The following PALM2AKAP2 variants were observed in gnomAD, a reference collection of about 807,000 sequenced individuals.
PALM2AKAP2 encodes PALM2 and AKAP2 fusion, also known as PALM2-AKAP2 fusion protein.
Under a neutral mutation model 71.5 loss-of-function variants are expected in PALM2AKAP2, and 37 were observed. The observed-to-expected ratio is 0.52, with a 90% confidence interval of 0.40 to 0.68. The LOEUF is 0.68. Ranked by LOEUF, PALM2AKAP2 falls within the 30% of genes least tolerant of loss-of-function variation. PALM2AKAP2 has a pLI of 0.00. For synonymous variants in PALM2AKAP2, 468 were observed against 478.8 expected (o/e 0.98, Z 0.29); for missense variants, 1,224 against 1,191.8 (o/e 1.03, Z -0.40).
intron 3 of PALM2AKAP2, among the ~76,000 whole-genome samples, chr9:109,916,493 C>T (rs973704068): frequency 3.9e-5 from 6 of 152,192 alleles, no homozygotes; most frequent in South Asian, 2.1e-4. Context: ...TGGAGGGCAG[C>T]GCAGGCTGTG....
intron 1 of PALM2AKAP2, among the ~76,000 whole-genome samples, chr9:109,651,099 C>T (rs931520936): frequency 6.6e-6 from 1 of 152,116 alleles, no homozygotes; most frequent in Non-Finnish European, 1.5e-5. Flanking sequence ...GCTTTGTGCC[C>T]TGTGAGGCTG....
chr9:109,868,786 A>C (rs764039196), intron 2 of PALM2AKAP2, among the ~76,000 whole-genome samples: 3 of 152,246 alleles, frequency 2.0e-5, no homozygotes, highest in African/African-American at 4.8e-5. Context: ...TCTGTTCATC[A>C]TATAAATTCA....
At chr9:110,108,801 A>G (rs371794504) in intron 1 of PALM2AKAP2, among the ~76,000 whole-genome samples, 42 of 152,340 alleles carry the variant, frequency 2.8e-4, no homozygotes, top group African/African-American at 9.4e-4. Flanking sequence ...TTGCACGACA[A>G]TAAAAGAAAG....
chr9:110,016,346 T>A (rs541518553), intron 7 of PALM2AKAP2, among the ~76,000 whole-genome samples: 73 of 151,824 alleles, frequency 4.8e-4, no homozygotes, highest in Non-Finnish European at 8.7e-4. Context: ...CTTCAGTGAA[T>A]ATCTACACGT....
intron 1 of PALM2AKAP2, among the ~76,000 whole-genome samples, chr9:110,132,718 C>A (rs181561007): frequency 6.6e-6 from 1 of 151,990 alleles, no homozygotes. Flanking sequence ...CAGGTTGAAG[C>A]GATTCTCATG....
At chr9:110,168,313 G>C in intron 3 of PALM2AKAP2, 86 bp from the exon 11 acceptor site, 3 of 1,506,762 alleles carry the variant, frequency 2.0e-6, no homozygotes, top group Non-Finnish European at 2.7e-6. Flanking sequence ...TTGATAAAGA[G>C]AAAGGAAGAA....
chr9:109,708,900 T>C (rs1828183555), intron 1 of PALM2AKAP2, among the ~76,000 whole-genome samples: 1 of 152,118 alleles, frequency 6.6e-6, no homozygotes, highest in Admixed American at 6.6e-5. Flanking sequence ...CAGGACAAGA[T>C]CTGGGATGGT....
At chr9:110,032,414 CG>C (rs1833295775) in intron 7 of PALM2AKAP2, among the ~76,000 whole-genome samples, 2 of 151,876 alleles carry the variant, frequency 1.3e-5, no homozygotes, top group African/African-American at 4.8e-5. Context: ...AAAAAACCGC[CG>C]GGTGCGGTGG....
At chr9:110,009,457 G>A (rs1391425116) in intron 6 of PALM2AKAP2, among the ~76,000 whole-genome samples, 1 of 152,076 alleles carries the variant, frequency 6.6e-6, no homozygotes, top group African/African-American at 2.4e-5. Flanking sequence ...GCTCACACCT[G>A]TAATCCCAGC....
At chr9:109,696,878 A>G (rs780151937) in intron 1 of PALM2AKAP2, among the ~76,000 whole-genome samples, 2 of 152,142 alleles carry the variant, frequency 1.3e-5, no homozygotes, top group Non-Finnish European at 2.9e-5. Flanking sequence ...ATACAAAGCC[A>G]ATATCTATTG....
At chr9:109,739,727 T>C (rs1828690172) in intron 1 of PALM2AKAP2, among the ~76,000 whole-genome samples, 1 of 152,210 alleles carries the variant, frequency 6.6e-6, no homozygotes, top group Non-Finnish European at 1.5e-5. Context: ...AATAATAACT[T>C]TGAGGTCTCT....
intron 7 of PALM2AKAP2, among the ~76,000 whole-genome samples, chr9:110,043,010 T>C (rs994221384): frequency 1.3e-5 from 2 of 152,204 alleles, no homozygotes; most frequent in Non-Finnish European, 2.9e-5. Flanking sequence ...ATTCTTTCTA[T>C]TTTTTGGTAT....
intron 6 of PALM2AKAP2, among the ~76,000 whole-genome samples, chr9:109,992,636 G>A (rs555985878): frequency 2.0e-5 from 3 of 152,036 alleles, no homozygotes; most frequent in Non-Finnish European, 4.4e-5. Context: ...TCCATAACAG[G>A]CTGCCTTTAT....
At chr9:109,656,689 G>T (rs986228342) in intron 1 of PALM2AKAP2, among the ~76,000 whole-genome samples, 1 of 152,198 alleles carries the variant, frequency 6.6e-6, no homozygotes, top group African/African-American at 2.4e-5. Context: ...AGGAATTAGG[G>T]GATGAGAGGA....
At chr9:109,754,477 C>CA (rs1343827789) in intron 1 of PALM2AKAP2, among the ~76,000 whole-genome samples, 4 of 152,140 alleles carry the variant, frequency 2.6e-5, no homozygotes, top group Non-Finnish European at 5.9e-5. Flanking sequence ...TAATTATAGT[C>CA]ACAGTGTTCT....
intron 6 of PALM2AKAP2, among the ~76,000 whole-genome samples, chr9:110,002,381 A>G (rs1832697788): frequency 1.3e-5 from 2 of 151,756 alleles, no homozygotes; most frequent in African/African-American, 4.9e-5. Context: ...ATCATGGTGG[A>G]TAAGCTTTTT....
chr9:110,168,340 G>A lies in PALM2AKAP2; in HGVS notation c.2749-59G>A, dbSNP rs1836784800. On this transcript the variant is annotated intron_variant, in intron 3 of 3. Transcript: ENST00000374525. ...AAGGAAGAAAGAAACAGAGAAGTCG[G>A]TTTATGTTCATAATTAACATCCATG... 4 of 1,580,258 alleles carry A rather than the reference G, an allele frequency of 2.5e-6. No homozygotes were observed. In the South Asian group the frequency reaches 3.5e-5, roughly 14 times the overall value.
chr9:109,743,972 A>G (rs1208474544), intron 1 of PALM2AKAP2, among the ~76,000 whole-genome samples: 1 of 152,206 alleles, frequency 6.6e-6, no homozygotes, highest in East Asian at 1.9e-4. Flanking sequence ...TTGGCCTTTA[A>G]GAAAACAGAA....
At chr9:109,865,412 C>T (rs1829423958) in intron 1 of PALM2AKAP2, among the ~76,000 whole-genome samples, 1 of 151,974 alleles carries the variant, frequency 6.6e-6, no homozygotes, top group East Asian at 1.9e-4. Flanking sequence ...TAAATCCTAC[C>T]CATTCTTAAA....
Sources: allele counts gnomAD v4.1 joint callset (sites outside exome capture counted in the v4.1 genomes callset), GRCh38; gene constraint gnomAD v4.1.1; transcripts MANE v1.5; gene names NCBI Gene and HGNC (gene_info 2026-07-23, HGNC 2026-07-21).